SLC39A9: variants seen among roughly 807,000 people sequenced by gnomAD.
SLC39A9 encodes the protein solute carrier family 39 member 9, also known as zinc transporter ZIP9.
A neutral mutation model predicts 28.4 loss-of-function variants in SLC39A9; 14 were observed. The ratio of observed to expected loss-of-function variants is 0.49; its 90% CI spans 0.33 to 0.77. The LOEUF is 0.77. Among genes scored for constraint, SLC39A9 ranks in the 30% least tolerant of loss-of-function variants. The pLI is 0.02. For synonymous variants in SLC39A9, 119 were observed against 149.6 expected (o/e 0.80, Z 1.49); for missense variants, 283 against 381.1 (o/e 0.74, Z 2.14).
intron 1 of SLC39A9, among the ~76,000 whole-genome samples, chr14:69,415,078 C>T (rs1466451871): frequency 6.6e-6 from 1 of 152,180 alleles, no homozygotes; most frequent in Non-Finnish European, 1.5e-5. Flanking sequence ...ACATCTGATC[C>T]AGATTGTGGC....
intron 2 of SLC39A9, among the ~76,000 whole-genome samples, chr14:69,439,712 G>T (rs1036631979): frequency 6.6e-6 from 1 of 152,142 alleles, no homozygotes; most frequent in Non-Finnish European, 1.5e-5. Context: ...TCCCCTTGCT[G>T]ATGAGTGAGT....
At chr14:69,409,340 T>A (rs1883120560) in intron 1 of SLC39A9, among the ~76,000 whole-genome samples, 1 of 151,794 alleles carries the variant, frequency 6.6e-6, no homozygotes, top group South Asian at 2.1e-4. Context: ...TAGTCATTTG[T>A]TGTTGTTGTT....
Position 69,459,672 on chromosome 14 carries a change from G to A in SLC39A9, c.*1079G>A, listed in dbSNP as rs908153603. 6.1e-6 allele frequency: 6 copies of A among 984,942 alleles called. No individual in the cohort carries two copies. In the African/African-American group the frequency reaches 1.0e-4, roughly 17 times the overall value. The allele number at this position is 984,942 out of a possible 1,614,324, so 61.0% of individuals were successfully genotyped here. ...TCACATAACCACCTGTAGCAAGATG[G>A]ATCATAAATGAGAAGTGTTTGCCTA... On this transcript the variant is annotated 3_prime_UTR_variant, in exon 7 of 7. Transcript: ENST00000336643.
At chr14:69,449,707 C>T (rs1052659467) in intron 3 of SLC39A9, among the ~76,000 whole-genome samples, 5 of 152,160 alleles carry the variant, frequency 3.3e-5, no homozygotes, top group Non-Finnish European at 5.9e-5. Context: ...GTAAATTTCT[C>T]CTACCTGACC....
At position 69,450,903 on chromosome 14, in the gene SLC39A9, G is replaced by C. The variant is rs550655729; in HGVS notation, c.404-2338G>C. On this transcript the variant is annotated intron_variant, in intron 3 of 6. Coordinates refer to ENST00000336643, the MANE Select transcript of SLC39A9 (RefSeq NM_018375.5). ...GAAGTCATTATTTTTGCTGGCTTTCGTGTCTGATGACCTGGTTTTACCTAT... is the reference window on the plus strand; with the variant it reads ...GAAGTCATTATTTTTGCTGGCTTTCCTGTCTGATGACCTGGTTTTACCTAT... 1.2e-4 allele frequency among the ~76,000 whole-genome samples: 19 copies of C among 152,152 alleles called. No homozygotes were observed. In the East Asian group the frequency reaches 3.7e-3, roughly 29 times the overall value.
At position 69,454,798 on chromosome 14, in the gene SLC39A9, GT is replaced by G. The variant is rs1566926256; in HGVS notation, c.473-11del. ...TGTTTATAGTATTTTATGTTTCCTT[GT>G]TTCCAAATATAGCTGATGGTGTTGC... On this transcript the variant is annotated splice_polypyrimidine_tract_variant and intron_variant, in intron 4 of 6. Transcript: ENST00000336643. The G allele has an allele frequency of 1.2e-6, 2 of 1,609,926 alleles. No homozygotes were observed. Among genetic ancestry groups the G allele is most frequent in the African/African-American group, 1.3e-5 (1 of 74,928 alleles).
rs117254841 is a variant in SLC39A9, at chr14:69,461,920, G to A, written c.*3327G>A. 1,438 of 570,430 alleles carry A rather than the reference G, an allele frequency of 2.5e-3. 3 individuals are homozygous for A. The highest frequency in any genetic ancestry group is 3.7e-3 in the Non-Finnish European group (1,258 of 340,838). 35.3% of individuals were successfully genotyped at this position (570,430 alleles called of 1,614,324 possible). Reference sequence around the variant, plus strand: ...AATCCTCTGTAGTTGTTCTGCAGAGGAACCTTCCTTCCATTAGAAAATTTC... The same window carrying A: ...AATCCTCTGTAGTTGTTCTGCAGAGAAACCTTCCTTCCATTAGAAAATTTC... On this transcript the variant is annotated 3_prime_UTR_variant, in exon 7 of 7. Transcript: ENST00000336643.
chr14:69,446,896 G>GA (rs75698508), intron 3 of SLC39A9, among the ~76,000 whole-genome samples: 15,448 of 110,194 alleles, frequency 0.14, 1,029 homozygotes, highest in East Asian at 0.21. Context: ...AAAAGAAAAA[G>GA]AAAAAAAAAT....
intron 1 of SLC39A9, among the ~76,000 whole-genome samples, chr14:69,416,150 T>A (rs1287873286): frequency 6.6e-5 from 10 of 150,594 alleles, no homozygotes. Context: ...GGCCCTGGTG[T>A]GAGATGTTCC....
intron 3 of SLC39A9, among the ~76,000 whole-genome samples, chr14:69,446,941 T>TAA (rs199517628): frequency 7.5e-6 from 1 of 132,954 alleles, no homozygotes. Context: ...TATATATATA[T>TAA]ATATATAGAG....
intron 2 of SLC39A9, among the ~76,000 whole-genome samples, chr14:69,439,867 A>G (rs1884957294): frequency 6.6e-6 from 1 of 152,038 alleles, no homozygotes; most frequent in African/African-American, 2.4e-5. Flanking sequence ...TGCTTCTTGG[A>G]CAGCCTGCAG....
intron 1 of SLC39A9, among the ~76,000 whole-genome samples, chr14:69,421,951 T>G (rs1883923159): frequency 6.6e-6 from 1 of 152,160 alleles, no homozygotes; most frequent in East Asian, 1.9e-4. Flanking sequence ...CCTGACCCCT[T>G]GCGCTTCCCT....
chr14:69,455,699 G>A (rs1885824431), intron 5 of SLC39A9, 33 bp from the exon 6 acceptor site: 1 of 1,613,176 alleles, frequency 6.2e-7, no homozygotes, highest in Non-Finnish European at 8.5e-7. Flanking sequence ...CATACTTCTA[G>A]AATGATAATA....
chr14:69,434,680 G>GA (rs1884661386), intron 2 of SLC39A9, among the ~76,000 whole-genome samples: 1 of 151,896 alleles, frequency 6.6e-6, no homozygotes, highest in South Asian at 2.1e-4. Flanking sequence ...CCTGAAAAAA[G>GA]AAAAAAGAAT....
At chr14:69,451,829 C>T (rs781584248) in intron 3 of SLC39A9, among the ~76,000 whole-genome samples, 1 of 152,132 alleles carries the variant, frequency 6.6e-6, no homozygotes, top group Admixed American at 6.6e-5. Context: ...GATCCTTCCA[C>T]CTTAACCTCC....
intron 2 of SLC39A9, chr14:69,441,809 G>A (rs1001728532): frequency 4.3e-6 from 5 of 1,173,778 alleles, no homozygotes; most frequent in Non-Finnish European, 5.3e-6. Context: ...TTTCTTGCAT[G>A]GTGATTTGCT....
intron 1 of SLC39A9, among the ~76,000 whole-genome samples, chr14:69,421,552 G>A (rs553999366): frequency 5.3e-5 from 8 of 152,324 alleles, no homozygotes; most frequent in African/African-American, 1.7e-4. Context: ...AGTCAGGAAC[G>A]TTTAAGACTG....
At chr14:69,437,524 A>G (rs1884828443) in intron 2 of SLC39A9, among the ~76,000 whole-genome samples, 1 of 152,056 alleles carries the variant, frequency 6.6e-6, no homozygotes, top group African/African-American at 2.4e-5. Flanking sequence ...CATGGCCAGC[A>G]TCAGATGTCT....
Position 69,458,504 on chromosome 14 carries a change from G to A in SLC39A9, c.835G>A (p.Gly279Arg). The change falls in exon 7 of 7, where the codon GGA becomes AGA. Residue 279 changes from glycine (G) to arginine (R), a missense_variant. Coordinates refer to ENST00000336643, the MANE Select transcript of SLC39A9 (RefSeq NM_018375.5). ...GCACAGCCACAAGCCCGATGCCACG[G>A]GAGGGAGAGGCCTCAGCCGCCTGGA... ...IGHSHKPDAT[G>R]GRGLSRLEVA... 1.9e-6 allele frequency: 3 copies of A among 1,614,246 alleles called. No homozygotes were observed. The highest frequency in any genetic ancestry group is 2.5e-6 in the Non-Finnish European group (3 of 1,180,038).
Sources: allele counts gnomAD v4.1 joint callset (sites outside exome capture counted in the v4.1 genomes callset), GRCh38; gene constraint gnomAD v4.1.1; transcripts MANE v1.5; gene names NCBI Gene and HGNC (gene_info 2026-07-23, HGNC 2026-07-21).